The following IGSF5 variants were observed in gnomAD, a reference collection of about 807,000 sequenced individuals.
The protein encoded by IGSF5 is immunoglobulin superfamily member 5, also known as immunoglobulin superfamily 5 like.
A neutral mutation model predicts 39.4 loss-of-function variants in IGSF5; 41 were observed. That is an observed-to-expected ratio of 1.04 (90% confidence interval 0.81 to 1.35). The LOEUF is 1.35. IGSF5 is among the 40% of genes most tolerant of loss of function. The probability of loss-of-function intolerance (pLI) is 0.00; values close to 1 mark genes in which losing one functional copy is unlikely to be tolerated. For synonymous variants in IGSF5, 183 were observed against 175.3 expected (o/e 1.04, Z -0.34); for missense variants, 487 against 494.6 (o/e 0.98, Z 0.15).
At chr21:39,790,606 C>A (rs139666533) in intron 6 of IGSF5, among the ~76,000 whole-genome samples, 1 of 151,890 alleles carries the variant, frequency 6.6e-6, no homozygotes, top group Admixed American at 6.6e-5. Context: ...TACAGTGAGC[C>A]GAGATCACAC....
intron 8 of IGSF5, among the ~76,000 whole-genome samples, chr21:39,797,038 A>G (rs995341398): frequency 6.6e-6 from 1 of 152,178 alleles, no homozygotes; most frequent in Non-Finnish European, 1.5e-5. Context: ...ACACTCGGCA[A>G]TTTCAGGAGG....
chr21:39,728,053 C>G, the IGSF5 span: 1 of 152,184 alleles, frequency 6.6e-6, no homozygotes, highest in Admixed American at 6.5e-5. Flanking sequence ...CCTTCTGTGC[C>G]CTTCTCAGTA....
the IGSF5 span, among the ~76,000 whole-genome samples, chr21:39,737,824 CCT>C: frequency 6.6e-6 from 1 of 152,154 alleles, no homozygotes; most frequent in Admixed American, 6.5e-5. Context: ...ATTCTTTTGG[CCT>C]CTCTCTGCAG....
chr21:39,726,239 A>G, the IGSF5 span, among the ~76,000 whole-genome samples: 24 of 152,178 alleles, frequency 1.6e-4, no homozygotes, highest in African/African-American at 5.5e-4. Flanking sequence ...GTGGACTTTG[A>G]AAGAGTTTTC....
At chr21:39,717,407 A>C in the IGSF5 span, among the ~76,000 whole-genome samples, 1 of 152,112 alleles carries the variant, frequency 6.6e-6, no homozygotes, top group East Asian at 1.9e-4. Context: ...TTTGTCATGA[A>C]ATCTGCCTGT....
At chr21:39,745,004 T>A (rs2079965880), upstream of IGSF5, among the ~76,000 whole-genome samples, 1 of 152,220 alleles carries the variant, frequency 6.6e-6, no homozygotes, top group Non-Finnish European at 1.5e-5. Context: ...AGATCTTCAA[T>A]TATCAATTAT....
At chr21:39,741,787 C>G (rs779477995), upstream of IGSF5, among the ~76,000 whole-genome samples, 7 of 152,136 alleles carry the variant, frequency 4.6e-5, no homozygotes, top group Non-Finnish European at 8.8e-5. Context: ...AGATCCAGGA[C>G]TGTAAACCAC....
intron 3 of IGSF5, among the ~76,000 whole-genome samples, chr21:39,768,959 A>G (rs567790401): frequency 4.0e-5 from 6 of 151,610 alleles, no homozygotes; most frequent in Non-Finnish European, 7.4e-5. Flanking sequence ...GATTCCTATT[A>G]TTGTTGCCTT....
At position 39,771,032 on chromosome 21, in the gene IGSF5, G is replaced by A. The variant is rs768270375; in HGVS notation, c.535G>A (p.Gly179Ser). ...GCTCCCGGATATTTCCTGGGAGCTC[G>A]GTCTCCTGGTCAGCCATTCAAGCTA... is the stretch of plus-strand genomic sequence containing the variant. ...TRLPDISWEL[G>S]LLVSHSSYYF... Residue 179 changes from glycine (G) to serine (S), a missense_variant, in exon 4 of 9, where the codon GGT becomes AGT. Coordinates refer to ENST00000380588, the MANE Select transcript of IGSF5 (RefSeq NM_001080444.2). 1.6e-5 allele frequency: 26 copies of A among 1,613,504 alleles called. No individual in the cohort carries two copies. Among genetic ancestry groups the A allele is most frequent in the South Asian group, 2.2e-5 (2 of 90,912 alleles).
chr21:39,756,828 AG>A (rs1294316016), intron 2 of IGSF5, among the ~76,000 whole-genome samples: 1 of 152,056 alleles, frequency 6.6e-6, no homozygotes, highest in Admixed American at 6.5e-5. Context: ...AAAAAATGCA[AG>A]GGTGGAGGGT....
chr21:39,729,114 C>T, the IGSF5 span: 13 of 152,292 alleles, frequency 8.5e-5, no homozygotes, highest in Middle Eastern at 3.4e-3. Context: ...ACAAGATGGA[C>T]GTGTATTTCT....
At chr21:39,764,539 C>A (rs1437304927) in intron 2 of IGSF5, among the ~76,000 whole-genome samples, 2 of 152,174 alleles carry the variant, frequency 1.3e-5, no homozygotes, top group Non-Finnish European at 2.9e-5. Flanking sequence ...GGGGTTTCAC[C>A]ATGTTAGCCA....
At chr21:39,760,385 T>C (rs934671095) in intron 2 of IGSF5, among the ~76,000 whole-genome samples, 2 of 152,156 alleles carry the variant, frequency 1.3e-5, no homozygotes, top group African/African-American at 4.8e-5. Flanking sequence ...ACAACTACTG[T>C]GACAATTGTA....
At chr21:39,794,993 G>A (rs2086987008) in intron 8 of IGSF5, among the ~76,000 whole-genome samples, 1 of 152,050 alleles carries the variant, frequency 6.6e-6, no homozygotes, top group Middle Eastern at 3.2e-3. Flanking sequence ...GTCATGTATT[G>A]GGAAAACCTA....
the IGSF5 span, among the ~76,000 whole-genome samples, chr21:39,737,858 C>T: frequency 1.4e-4 from 22 of 152,252 alleles, no homozygotes; most frequent in South Asian, 1.2e-3. Flanking sequence ...CCAAGGGATG[C>T]GGCAGGACCC....
chr21:39,767,678 C>G (rs2080093624), intron 3 of IGSF5, among the ~76,000 whole-genome samples: 1 of 152,176 alleles, frequency 6.6e-6, no homozygotes, highest in Non-Finnish European at 1.5e-5. Context: ...GAATAAGACA[C>G]AGTTTCTTTC....
intron 1 of IGSF5, among the ~76,000 whole-genome samples, chr21:39,745,798 A>G (rs2079971239): frequency 1.3e-5 from 2 of 152,178 alleles, no homozygotes; most frequent in Admixed American, 1.3e-4. Context: ...TAACTGGCCG[A>G]CAGGTGTCCG....
the IGSF5 span, among the ~76,000 whole-genome samples, chr21:39,714,048 G>A: frequency 4.6e-5 from 7 of 152,254 alleles, no homozygotes; most frequent in Non-Finnish European, 7.3e-5. Flanking sequence ...GAAGAGCTGT[G>A]AATGAGTACT....
At chr21:39,725,350 A>G in the IGSF5 span, among the ~76,000 whole-genome samples, 5 of 152,242 alleles carry the variant, frequency 3.3e-5, no homozygotes, top group African/African-American at 1.2e-4. Flanking sequence ...TTCAGATGTC[A>G]CTAGGCTTAT....
Sources: allele counts gnomAD v4.1 joint callset (sites outside exome capture counted in the v4.1 genomes callset), GRCh38; gene constraint gnomAD v4.1.1; transcripts MANE v1.5; gene names NCBI Gene and HGNC (gene_info 2026-07-23, HGNC 2026-07-21).